Variants in GABPA observed in about 807,000 individuals in gnomAD.
GABPA encodes the protein GA-binding protein alpha chain.
In GABPA, 4 loss-of-function variants were observed where a neutral mutation model predicts 59.4. That is an observed-to-expected ratio of 0.07 (90% CI 0.03 to 0.15). The LOEUF (loss-of-function observed/expected upper bound fraction) is 0.15. GABPA is among the 10% of genes least tolerant of loss of function. GABPA has a pLI of 1.00. For synonymous variants in GABPA, 164 were observed against 183.1 expected (o/e 0.90, Z 0.84); for missense variants, 251 against 543.8 (o/e 0.46, Z 5.36).
At chr21:25,747,244 G>C (rs1181901872) in intron 3 of GABPA, among the ~76,000 whole-genome samples, 1 of 152,146 alleles carries the variant, frequency 6.6e-6, no homozygotes, top group Non-Finnish European at 1.5e-5. Context: ...CAGTGTCACT[G>C]GACTTTGCCT....
At chr21:25,740,037 G>A (rs1354813657) in intron 1 of GABPA, among the ~76,000 whole-genome samples, 1 of 152,168 alleles carries the variant, frequency 6.6e-6, no homozygotes, top group African/African-American at 2.4e-5. Flanking sequence ...CTCCAGGTAA[G>A]GGGTGGTGGT....
At chr21:25,749,626 G>A (rs956436745) in intron 4 of GABPA, among the ~76,000 whole-genome samples, 3 of 152,206 alleles carry the variant, frequency 2.0e-5, no homozygotes, top group Non-Finnish European at 4.4e-5. Flanking sequence ...GAGGTCAAGA[G>A]TTTGAGAACA....
chr21:25,737,112 T>A (rs1246009967), intron 1 of GABPA, among the ~76,000 whole-genome samples: 1 of 152,248 alleles, frequency 6.6e-6, no homozygotes, highest in Non-Finnish European at 1.5e-5. Context: ...TTCGTTAAAT[T>A]CAAGTTTAGT....
At chr21:25,768,257 C>G (rs11701994) in intron 9 of GABPA, among the ~76,000 whole-genome samples, 15,543 of 151,782 alleles carry the variant, frequency 0.1, 989 homozygotes, top group East Asian at 0.3. Context: ...TGTCCTTTAC[C>G]TGTTTTTCTG....
At chr21:25,767,827 C>T (rs564476400) in intron 9 of GABPA, among the ~76,000 whole-genome samples, 2 of 152,034 alleles carry the variant, frequency 1.3e-5, no homozygotes, top group Non-Finnish European at 2.9e-5. Flanking sequence ...TCAAACATAA[C>T]TATTTTTCTT....
chr21:25,763,693 C>T (rs1020161662), intron 7 of GABPA, among the ~76,000 whole-genome samples: 1 of 152,046 alleles, frequency 6.6e-6, no homozygotes, highest in Admixed American at 6.6e-5. Context: ...TTGATACTTG[C>T]AGCTGTTTCA....
intron 1 of GABPA, 48 bp downstream of exon 1, chr21:25,735,626 G>C (rs994379901): frequency 6.6e-6 from 1 of 152,394 alleles, no homozygotes; most frequent in African/African-American, 2.4e-5. Context: ...CTCGCGGGCC[G>C]GCCTCGTTCC....
At chr21:25,746,304 C>T (rs2035363433) in intron 3 of GABPA, among the ~76,000 whole-genome samples, 1 of 152,248 alleles carries the variant, frequency 6.6e-6, no homozygotes, top group African/African-American at 2.4e-5. Flanking sequence ...TGTGAGCCAG[C>T]GTGCCTGGCT....
intron 3 of GABPA, 115 bp downstream of exon 3, chr21:25,745,469 T>G: frequency 1.1e-6 from 1 of 888,182 alleles, no homozygotes; most frequent in Non-Finnish European, 1.6e-6. Flanking sequence ...ATTTGACCTG[T>G]ATTACTGTAA....
chr21:25,755,276 G>A (rs1370989091), intron 5 of GABPA, among the ~76,000 whole-genome samples: 1 of 151,630 alleles, frequency 6.6e-6, no homozygotes, highest in Non-Finnish European at 1.5e-5. Context: ...TAGCCAGACT[G>A]TCTCCAAAAA....
At chr21:25,743,609 T>G (rs2035282032) in intron 2 of GABPA, among the ~76,000 whole-genome samples, 2 of 151,614 alleles carry the variant, frequency 1.3e-5, no homozygotes, top group Admixed American at 6.6e-5. Flanking sequence ...TTAAGAGAAA[T>G]TGGTACTTTA....
intron 1 of GABPA, 34 bp from the exon 2 acceptor site, chr21:25,741,539 A>T: frequency 8.5e-7 from 1 of 1,171,884 alleles, no homozygotes; most frequent in Non-Finnish European, 1.2e-6. Flanking sequence ...TTATGTGGAT[A>T]GTTTTAAAAT....
At position 25,770,489 on chromosome 21, in the gene GABPA, CTTTCT is replaced by C. The variant is rs2035987664; in HGVS notation, c.*1263_*1267del. The C allele has an allele frequency of 6.6e-6, 1 of 151,812 alleles. No individual in the cohort carries two copies. The allele number at this position is 151,812 out of a possible 1,614,324, so 9.4% of individuals were successfully genotyped here. A position where few individuals can be genotyped will look rare whatever the true frequency, so the allele number is the denominator to read the frequency against. ...CAAAAATGGCTAGAAATGTCTTTTT[CTTTCT>C]TTTCTCTCTTTGTTGTTTAAGGTAT... On this transcript the variant is annotated 3_prime_UTR_variant, in exon 10 of 10. Coordinates refer to ENST00000400075, the MANE Select transcript of GABPA (RefSeq NM_002040.4).
At chr21:25,744,966 GTACA>G in intron 2 of GABPA, among the ~76,000 whole-genome samples, 1 of 152,242 alleles carries the variant, frequency 6.6e-6, no homozygotes, top group South Asian at 2.1e-4. Flanking sequence ...ACATATGTAT[GTACA>G]TACATAATGA....
chr21:25,746,826 C>T (rs1209569026), intron 3 of GABPA, among the ~76,000 whole-genome samples: 1 of 152,150 alleles, frequency 6.6e-6, no homozygotes, highest in African/African-American at 2.4e-5. Flanking sequence ...CAGAAATGCT[C>T]ACTTGGGTAG....
chr21:25,749,172 A>T (rs755479029), intron 4 of GABPA, 52 bp downstream of exon 4: 40 of 1,071,458 alleles, frequency 3.7e-5, no homozygotes, highest in African/African-American at 1.3e-4. Context: ...TGTTTTTCTG[A>T]TACAATTTAT....
intron 5 of GABPA, among the ~76,000 whole-genome samples, chr21:25,755,232 T>C (rs759203546): frequency 6.6e-6 from 1 of 151,890 alleles, no homozygotes; most frequent in Non-Finnish European, 1.5e-5. Context: ...GAGGGTTTCT[T>C]GAGGCCAGGA....
Position 25,764,601 on chromosome 21 carries a change from A to G in GABPA, c.950A>G (p.Asn317Ser). 6.2e-7 allele frequency: 1 copy of G among 1,611,442 alleles called. No homozygotes were observed. The highest frequency in any genetic ancestry group is 8.5e-7 in the Non-Finnish European group (1 of 1,178,528). ...RSSPGNRTGN[N>S]GQIQLWQFLL... ...GTTCCTCTTACCAATTTAGGAAACAATGGCCAAATCCAACTATGGCAGTTT... is the reference window on the plus strand; with the variant it reads ...GTTCCTCTTACCAATTTAGGAAACAGTGGCCAAATCCAACTATGGCAGTTT... Residue 317 changes from asparagine to serine, a missense_variant, in exon 9 of 10, where the codon AAT becomes AGT. By Grantham distance (46) the Asn-to-Ser change is conservative. Transcript: ENST00000400075.
chr21:25,758,976 G>A (rs1348169633), intron 6 of GABPA, among the ~76,000 whole-genome samples: 4 of 152,102 alleles, frequency 2.6e-5, no homozygotes, highest in African/African-American at 7.2e-5. Context: ...AGGTTGAGGC[G>A]AGAGGATAGC....
Sources: allele counts gnomAD v4.1 joint callset (sites outside exome capture counted in the v4.1 genomes callset), GRCh38; gene constraint gnomAD v4.1.1; transcripts MANE v1.5; gene names NCBI Gene and HGNC (gene_info 2026-07-23, HGNC 2026-07-21).